WDR75: variants seen among roughly 807,000 people sequenced by gnomAD.
The protein encoded by WDR75 is WD repeat domain 75.
A neutral mutation model predicts 106.1 loss-of-function variants in WDR75; 52 were observed. The ratio of observed to expected loss-of-function variants is 0.49; its 90% CI spans 0.39 to 0.62. The LOEUF is 0.62. Ranked by LOEUF, WDR75 falls within the 20% of genes least tolerant of loss-of-function variation. The pLI, the probability that WDR75 is intolerant of heterozygous loss-of-function variation, is 0.00. For missense variants in WDR75, 905 were observed against 970.3 expected, an observed-to-expected ratio of 0.93 and a Z score of 0.89; for synonymous variants, 333 against 335.5, an observed-to-expected ratio of 0.99 and a Z score of 0.08.
At position 189,474,411 on chromosome 2, in the gene WDR75, C is replaced by G. The variant is rs1053232154; in HGVS notation, c.2196+79C>G. 6.1e-6 allele frequency: 9 copies of G among 1,477,850 alleles called. No homozygotes were observed. The East Asian group carries it at 1.8e-4, about 30-fold the overall frequency. The allele number at this position is 1,477,850 out of a possible 1,614,324, so 91.5% of individuals were successfully genotyped here. On this transcript the variant is annotated intron_variant, in intron 19 of 20. Coordinates refer to ENST00000314761, the MANE Select transcript of WDR75 (RefSeq NM_032168.3). ...AAGTTGGAGTTTTGACACAGTCAATCTGTAATTTGTATGCTGTACAACTTT... is the reference window on the plus strand; with the variant it reads ...AAGTTGGAGTTTTGACACAGTCAATGTGTAATTTGTATGCTGTACAACTTT...
intron 12 of WDR75, 132 bp from the exon 13 acceptor site, chr2:189,466,289 ATTGT>A (rs1272229389): frequency 1.1e-6 from 1 of 949,940 alleles, no homozygotes; most frequent in African/African-American, 1.7e-5. Context: ...AGAGCACTCA[ATTGT>A]TTGTCATTCT....
chr2:189,470,420 G>A (rs1010519175), intron 17 of WDR75, among the ~76,000 whole-genome samples, 175 bp downstream of exon 17: 3 of 151,996 alleles, frequency 2.0e-5, no homozygotes, highest in Non-Finnish European at 2.9e-5. Context: ...ATGTATTACC[G>A]TTTTACCCCA....
chr2:189,447,151 C>T (rs930933931), intron 1 of WDR75, among the ~76,000 whole-genome samples: 1 of 152,118 alleles, frequency 6.6e-6, no homozygotes, highest in African/African-American at 2.4e-5. Context: ...GAAAGTGAAA[C>T]CATAAATAAG....
chr2:189,449,728 A>G, intron 2 of WDR75: 3 of 987,908 alleles, frequency 3.0e-6, no homozygotes, highest in East Asian at 2.2e-4. Flanking sequence ...ACATTTTACT[A>G]GTCCATATTT....
intron 18 of WDR75, among the ~76,000 whole-genome samples, chr2:189,473,633 G>A (rs1231002161): frequency 6.6e-6 from 1 of 152,152 alleles, no homozygotes; most frequent in Non-Finnish European, 1.5e-5. Context: ...GCTGTGGGGT[G>A]CTTTCTAAGT....
At chr2:189,448,715 C>T (rs79567107) in intron 2 of WDR75, 29,998 of 682,854 alleles carry the variant, frequency 0.044, 1,031 homozygotes, top group African/African-American at 0.14. Flanking sequence ...GAGGTATTAC[C>T]TGAGAAGGAT....
chr2:189,452,030 A>G, intron 4 of WDR75, 135 bp downstream of exon 4: 1 of 631,830 alleles, frequency 1.6e-6, no homozygotes, highest in East Asian at 2.8e-5. Flanking sequence ...TTTTGTCATT[A>G]TTGTGCTCAT....
chr2:189,463,813 T>C (rs780142759), intron 10 of WDR75, 33 bp from the exon 11 acceptor site: 2 of 1,613,358 alleles, frequency 1.2e-6, no homozygotes, highest in Non-Finnish European at 1.7e-6. Flanking sequence ...ATATTTCTCT[T>C]ATTTCACCTG....
intron 7 of WDR75, 32 bp downstream of exon 7, chr2:189,458,904 T>A: frequency 1.3e-6 from 2 of 1,581,572 alleles, no homozygotes; most frequent in Non-Finnish European, 1.7e-6. Flanking sequence ...ATGGCGATCA[T>A]TTATGTACTA....
chr2:189,450,753 A>G, intron 2 of WDR75, 150 bp from the exon 3 acceptor site: 1 of 1,432,304 alleles, frequency 7.0e-7, no homozygotes, highest in Non-Finnish European at 9.0e-7. Flanking sequence ...ATTGTTTTGC[A>G]GAAGCAATAT....
chr2:189,469,767 T>C (rs1687080213), intron 16 of WDR75, among the ~76,000 whole-genome samples: 4 of 152,110 alleles, frequency 2.6e-5, no homozygotes, highest in Admixed American at 2.6e-4. Context: ...TTTCTACATA[T>C]CTCATTTCTA....
chr2:189,472,604 C>T (rs1350989086), intron 18 of WDR75, among the ~76,000 whole-genome samples: 2 of 151,708 alleles, frequency 1.3e-5, no homozygotes, highest in East Asian at 3.9e-4. Context: ...TGGTTGCTGC[C>T]TTTCATCTAG....
rs115553266 is a variant in WDR75 at position 189,466,545 on chromosome 2, C to T, written c.1410C>T (p.Phe470=). The T allele has an allele frequency of 2.1e-5, 34 of 1,612,940 alleles. No homozygotes were observed. The East Asian group carries it at 7.1e-4, about 34-fold the overall frequency. Residue 470 remains phenylalanine (F), a synonymous_variant, in exon 13 of 21, where the codon TTC becomes TTT. Coordinates refer to ENST00000314761, the MANE Select transcript of WDR75 (RefSeq NM_032168.3). ...TLVTASKDGY[F]KVWILTDDSD... ...TTACAGCTAGCAAAGATGGTTACTT[C>T]AAAGTATGGATATTAACAGATGACT... is the stretch of plus-strand genomic sequence containing the variant.
chr2:189,451,724 A>G (rs1399475667), intron 3 of WDR75, 81 bp from the exon 4 acceptor site: 5 of 1,295,628 alleles, frequency 3.9e-6, no homozygotes, highest in Non-Finnish European at 5.5e-6. Flanking sequence ...AGCAAAATAC[A>G]TAAAAACCCC....
At chr2:189,441,602 C>T in intron 1 of WDR75, 24 bp downstream of exon 1, 1 of 1,550,394 alleles carries the variant, frequency 6.4e-7, no homozygotes. Flanking sequence ...CGCGCTTTGT[C>T]GGCTGAGGGG....
Position 189,462,508 on chromosome 2 carries a change from G to A in WDR75, c.803G>A (p.Arg268His), listed in dbSNP as rs528766591. 7.4e-6 allele frequency: 12 copies of A among 1,613,806 alleles called. No individual in the cohort carries two copies. Among genetic ancestry groups the A allele is most frequent in the East Asian group, 4.5e-5 (2 of 44,884 alleles). Reference sequence around the variant, plus strand: ...GGCACCAGTCTGCTGAGTGGCGGTCGTGAATCTGTACTTGTAGAGTGGCGC... The same window carrying A: ...GGCACCAGTCTGCTGAGTGGCGGTCATGAATCTGTACTTGTAGAGTGGCGC... Reference protein sequence around the residue: ...VTGTSLLSGGRESVLVEWRDA... With the variant: ...VTGTSLLSGGHESVLVEWRDA... Residue 268 changes from arginine to histidine, a missense_variant, in exon 9 of 21, where the codon CGT becomes CAT. Physicochemically the swap from Arg to His is conservative, Grantham distance 29 (BLOSUM62 0). Transcript: ENST00000314761.
intron 4 of WDR75, chr2:189,452,186 T>C (rs189444070): frequency 1.1e-4 from 34 of 299,884 alleles, no homozygotes; most frequent in Non-Finnish European, 1.7e-4. Context: ...AACTTAAATC[T>C]GTTATTAAGC....
chr2:189,460,708 G>A (rs893827033), intron 8 of WDR75, among the ~76,000 whole-genome samples: 2 of 152,032 alleles, frequency 1.3e-5, no homozygotes, highest in South Asian at 4.1e-4. Flanking sequence ...GTTTCACCGT[G>A]TTGCCAGGCT....
chr2:189,470,365 A>C (rs2105573587), intron 17 of WDR75, 120 bp downstream of exon 17: 3 of 1,146,708 alleles, frequency 2.6e-6, no homozygotes, highest in Non-Finnish European at 3.7e-6. Flanking sequence ...ATTATTTCCC[A>C]AAAAATTGTC....
Sources: gnomAD v4.1 joint callset for allele counts (sites outside exome capture counted in the v4.1 genomes callset) on GRCh38, gnomAD v4.1.1 for gene constraint, MANE v1.5 for transcripts, NCBI Gene and HGNC (gene_info 2026-07-23, HGNC 2026-07-21) for gene names.